The following SETD1B variants were observed in gnomAD, a reference collection of about 807,000 sequenced individuals.
The protein encoded by SETD1B is SET domain containing 1B, histone lysine methyltransferase.
In SETD1B, 7 loss-of-function variants were observed where a neutral mutation model predicts 148.0. The observed-to-expected ratio is 0.05, with a 90% confidence interval of 0.03 to 0.09. The LOEUF (loss-of-function observed/expected upper bound fraction) is 0.09, where lower values mean the gene tolerates loss of function less well. SETD1B is among the 10% of genes least tolerant of loss of function. The pLI is 1.00. For synonymous variants in SETD1B, 1,361 were observed against 1,186.5 expected, an observed-to-expected ratio of 1.15 and a Z score of -3.02; for missense variants, 2,155 against 2,729.9, an observed-to-expected ratio of 0.79 and a Z score of 4.69.
chr12:121,817,631 C>CGGAGGA lies in SETD1B; in HGVS notation c.3255_3260dup (p.Glu1086_Glu1087dup), dbSNP rs71079098. The CGGAGGA allele has an allele frequency of 1.2e-5, 19 of 1,548,602 alleles. No individual in the cohort carries two copies. Among genetic ancestry groups the CGGAGGA allele is most frequent in the Middle Eastern group, 3.3e-4 (2 of 5,982 alleles). ...GAGAGCACCGAGGAGGAAGAGGAGG[C>CGGAGGA]GGAGGAGGAGGAGGAGGAGGAAGTC... On this transcript the variant is annotated inframe_insertion, in exon 9 of 17. Transcript: ENST00000604567. This position sits in a 1 kb window ranked among gnomAD's most constrained non-coding sequence, Gnocchi z 8.1.
At position 121,808,569 on chromosome 12, in the gene SETD1B, TCTCCC is replaced by T. The variant is rs1875858647; in HGVS notation, c.657+256_657+260del. On this transcript the variant is annotated intron_variant, in intron 5 of 16. Transcript: ENST00000604567. The surrounding 1 kb of genome is among the most constrained non-coding windows in gnomAD (Gnocchi z 5.3). ...GGGATTGGTTCTGTTTCCTGTGGCT[TCTCCC>T]CTCCCCAGCACAGGCTGTGATTCCC... 1.3e-5 allele frequency among the ~76,000 whole-genome samples: 2 copies of T among 152,188 alleles called. 1 individual carries two copies. The highest frequency in any genetic ancestry group is 4.1e-4 in the South Asian group (2 of 4,826).
rs1432159602 is a variant in SETD1B at position 121,804,491 on chromosome 12, C to T, written c.-14-233C>T. On this transcript the variant is annotated intron_variant, in intron 1 of 16. Coordinates refer to ENST00000604567, the MANE Select transcript of SETD1B (RefSeq NM_001353345.2). The surrounding 1 kb of genome is among the most constrained non-coding windows in gnomAD (Gnocchi z 4.6). Reference sequence around the variant, plus strand: ...GCCCGCCCAGGGGACCCCCGGGAGCCCCTCGCTGCCGCCCCGAGACGGTGG... The same window carrying T: ...GCCCGCCCAGGGGACCCCCGGGAGCTCCTCGCTGCCGCCCCGAGACGGTGG... 2.0e-5 allele frequency among the ~76,000 whole-genome samples: 3 copies of T among 151,156 alleles called. No individual in the cohort carries two copies.
upstream of SETD1B, chr12:121,802,178 C>A (rs990889526): frequency 6.6e-6 from 1 of 152,126 alleles, no homozygotes; most frequent in African/African-American, 2.4e-5. Context: ...TTTTCAAAAG[C>A]ATAAAGCTAG....
chr12:121,790,532 G>C, the SETD1B span, among the ~76,000 whole-genome samples: 1 of 152,332 alleles, frequency 6.6e-6, no homozygotes, highest in South Asian at 2.1e-4. Context: ...TCCAGGCCTT[G>C]CTCCATGACA....
At chr12:121,799,762 G>T (rs1396110426), upstream of SETD1B, 2 of 139,544 alleles carry the variant, frequency 1.4e-5, no homozygotes, top group Admixed American at 1.5e-4. Context: ...AACCAGCCCG[G>T]CGTGTTTGGG....
chr12:121,827,886 G>T, intron 15 of SETD1B, 32 bp downstream of exon 15: 2 of 1,552,896 alleles, frequency 1.3e-6, no homozygotes, highest in South Asian at 2.4e-5. Flanking sequence ...GGGCACCGGG[G>T]TGGGCATGGG....
At chr12:121,820,549 T>A (rs1483010494) in intron 11 of SETD1B, among the ~76,000 whole-genome samples, 1 of 152,212 alleles carries the variant, frequency 6.6e-6, no homozygotes, top group African/African-American at 2.4e-5. Flanking sequence ...TTTTATTTTT[T>A]TTGAGACATA....
intron 6 of SETD1B, among the ~76,000 whole-genome samples, chr12:121,811,231 T>G (rs749950387): frequency 6.6e-6 from 1 of 152,140 alleles, no homozygotes; most frequent in Non-Finnish European, 1.5e-5. Flanking sequence ...TTGGGAATGA[T>G]CAGGGAGAGT....
rs911451704 is a variant in SETD1B at position 121,810,858 on chromosome 12, G to A, written c.1890+23G>A. On this transcript the variant is annotated intron_variant, in intron 6 of 16. Transcript: ENST00000604567. The surrounding 1 kb of genome is among the most constrained non-coding windows in gnomAD (Gnocchi z 7.6). ...GAGGTACCACCGTGTCTGTCCATCT[G>A]TCTGGGACTGGTTTTGTCTATCTTG... 13 of 1,464,394 alleles carry A rather than the reference G, an allele frequency of 8.9e-6. No individual in the cohort carries two copies. The East Asian group carries it at 2.0e-4, about 23-fold the overall frequency. 90.7% of individuals were successfully genotyped at this position (1,464,394 alleles called of 1,614,324 possible).
intron 16 of SETD1B, among the ~76,000 whole-genome samples, chr12:121,829,443 T>A (rs1391841696): frequency 6.6e-6 from 1 of 152,096 alleles, no homozygotes; most frequent in Non-Finnish European, 1.5e-5. Context: ...GGGGCCTGGG[T>A]GTGTGGTGCA....
Position 121,828,087 on chromosome 12 carries a change from G to C in SETD1B, c.5727+17G>C. ...AGCTGCAACGTGAGTGCCCAGCGGG[G>C]GGTGGCCCCTGCCCCTGCTCCTGCC... is the stretch of plus-strand genomic sequence containing the variant. On this transcript the variant is annotated intron_variant, in intron 16 of 16. Transcript: ENST00000604567. The C allele has an allele frequency of 6.4e-7, 1 of 1,551,262 alleles. No individual in the cohort carries two copies. Among genetic ancestry groups the C allele is most frequent in the Non-Finnish European group, 8.7e-7 (1 of 1,146,862 alleles).
chr12:121,822,165 C>T (rs1256175505), intron 11 of SETD1B, among the ~76,000 whole-genome samples: 1 of 152,216 alleles, frequency 6.6e-6, no homozygotes, highest in Non-Finnish European at 1.5e-5. Context: ...ACAAGTCCTG[C>T]AGAAAAGAGA....
upstream of SETD1B, chr12:121,800,476 C>T (rs1347268435): frequency 1.3e-5 from 2 of 151,908 alleles, no homozygotes; most frequent in African/African-American, 2.4e-5. Flanking sequence ...CAGGCCGGTC[C>T]GCGGCTTCCG....
At position 121,817,421 on chromosome 12, in the gene SETD1B, C is replaced by G; in HGVS notation, c.3029C>G (p.Ala1010Gly). 1 of 1,538,518 alleles carries G rather than the reference C, an allele frequency of 6.5e-7. No individual in the cohort carries two copies. Among genetic ancestry groups the G allele is most frequent in the Non-Finnish European group, 8.8e-7 (1 of 1,138,016 alleles). The change falls in exon 9 of 17, where the codon GCC becomes GGC. Residue 1010 changes from alanine to glycine, a missense_variant. By Grantham distance (60) the Ala-to-Gly change is moderately conservative. Around this residue, in one of 11 missense-constraint regions of SETD1B, gnomAD observed 289 missense variants for 423.7 expected, o/e 0.68. Coordinates refer to ENST00000604567, the MANE Select transcript of SETD1B (RefSeq NM_001353345.2). The surrounding 1 kb of genome is among the most constrained non-coding windows in gnomAD (Gnocchi z 8.1). ...ATGGCAGACACCCCCTGTGAGCTCG[C>G]CAAGCGGGACCCCAAGGGCGTGGGT... ...RDMADTPCEL[A>G]KRDPKGVGVR... is the part of the protein sequence containing the mutation.
upstream of SETD1B, chr12:121,799,720 G>GGA (rs1875211658): frequency 7.9e-6 from 1 of 126,506 alleles, no homozygotes; most frequent in African/African-American, 2.9e-5. Flanking sequence ...TCGCAGCTGG[G>GGA]GGGGGGGGGG....
At chr12:121,819,340 G>T (rs940092974) in intron 10 of SETD1B, 64 bp from the exon 11 acceptor site, 24 of 1,543,722 alleles carry the variant, frequency 1.6e-5, no homozygotes, top group Non-Finnish European at 2.0e-5. Context: ...ATTGGTGAGG[G>T]GTCTGGTGGG....
At chr12:121,827,434 T>C in intron 13 of SETD1B, 85 bp from the exon 14 acceptor site, 1 of 1,438,822 alleles carries the variant, frequency 7.0e-7, no homozygotes, top group Non-Finnish European at 9.1e-7. Flanking sequence ...CCCAGGACAC[T>C]GGGGATGACA....
intron 11 of SETD1B, 59 bp from the exon 12 acceptor site, chr12:121,822,431 G>T: frequency 8.1e-6 from 12 of 1,476,912 alleles, no homozygotes; most frequent in South Asian, 2.7e-5. Context: ...ACAAAATAAG[G>T]CACTGAGAGA....
intron 12 of SETD1B, 28 bp from the exon 13 acceptor site, chr12:121,825,172 G>A (rs1361850371): frequency 3.2e-6 from 5 of 1,549,314 alleles, no homozygotes; most frequent in Non-Finnish European, 3.5e-6. Flanking sequence ...CTCTCAGAAT[G>A]TCCATGTGGC....
Sources: gnomAD v4.1 joint callset for allele counts (sites outside exome capture counted in the v4.1 genomes callset) on GRCh38, gnomAD v4.1.1 for gene constraint, gnomAD v4.1.1 regional missense constraint, Gnocchi (gnomAD v3.1) non-coding constraint, MANE v1.5 for transcripts, NCBI Gene and HGNC (gene_info 2026-07-23, HGNC 2026-07-21) for gene names.